Variants in APOOL observed in about 807,000 individuals in gnomAD.
The protein encoded by APOOL is apolipoprotein O like.
In APOOL, 12 loss-of-function variants were observed where a neutral mutation model predicts 23.1. The observed-to-expected ratio is 0.52, with a 90% CI of 0.33 to 0.84. APOOL has a LOEUF of 0.84. APOOL is among the 40% of genes least tolerant of loss of function. The pLI is 0.02. For missense variants in APOOL, 212 were observed against 199.6 expected, an observed-to-expected ratio of 1.06 and a Z score of -0.37; for synonymous variants, 77 against 69.9, an observed-to-expected ratio of 1.10 and a Z score of -0.51.
intron 8 of APOOL, among the ~76,000 whole-genome samples, chrX:85,077,560 A>G (rs1164032380): frequency 1.8e-5 from 2 of 111,718 alleles, no homozygotes; most frequent in South Asian, 3.8e-4. Context: ...TAGTGCCACA[A>G]TAAACATATG....
At chrX:85,065,699 T>C (rs1055812453) in intron 5 of APOOL, among the ~76,000 whole-genome samples, 4 of 111,136 alleles carry the variant, frequency 3.6e-5, no homozygotes, top group Admixed American at 1.9e-4. Flanking sequence ...GTCTTTCTAA[T>C]CTTTAAAATG....
chrX:85,005,018 C>T (rs963856180), intron 1 of APOOL, among the ~76,000 whole-genome samples: 1 of 111,302 alleles, frequency 9.0e-6, no homozygotes, highest in African/African-American at 3.3e-5. Context: ...TTTTCCCATG[C>T]TTATCTAGTT....
chrX:85,065,479 T>G (rs766996681), intron 5 of APOOL, among the ~76,000 whole-genome samples: 46 of 112,025 alleles, frequency 4.1e-4, no homozygotes, highest in Non-Finnish European at 6.6e-4. Flanking sequence ...GTGTCATTGG[T>G]CTGTGTACTT....
At chrX:85,062,049 G>A in intron 5 of APOOL, among the ~76,000 whole-genome samples, 1 of 110,926 alleles carries the variant, frequency 9.0e-6, no homozygotes, top group Middle Eastern at 4.7e-3. Context: ...ACACTGCTTT[G>A]AATGTGTCCC....
In APOOL at chrX:85,089,404, C is replaced by T. The variant is rs1681379049; in HGVS notation, c.*1726C>T. Reference sequence around the variant, plus strand: ...AGGCGTGAGCCACCGCACCCAGCCCCTACTTGAATTTTTATGTCATTATTG... The same window carrying T: ...AGGCGTGAGCCACCGCACCCAGCCCTTACTTGAATTTTTATGTCATTATTG... On this transcript the variant is annotated 3_prime_UTR_variant, in exon 9 of 9. Transcript: ENST00000373173. 1 of 112,227 alleles carries T rather than the reference C, an allele frequency of 8.9e-6. No homozygotes were observed. Among genetic ancestry groups the T allele is most frequent in the African/African-American group, 3.2e-5 (1 of 30,873 alleles). 9.2% of individuals were successfully genotyped at this position (112,227 alleles called of 1,213,427 possible). A position where few individuals can be genotyped will look rare whatever the true frequency, so the allele number is the denominator to read the frequency against.
chrX:85,075,745 C>T (rs1039617010), intron 8 of APOOL, among the ~76,000 whole-genome samples: 1 of 111,529 alleles, frequency 9.0e-6, no homozygotes, highest in Non-Finnish European at 1.9e-5. Flanking sequence ...TTTCCTCACA[C>T]ATCTAGATTC....
chrX:85,045,068 G>A, intron 1 of APOOL, among the ~76,000 whole-genome samples: 1 of 111,306 alleles, frequency 9.0e-6, no homozygotes. Flanking sequence ...CATACTTGCT[G>A]GCATCAGTTT....
intron 1 of APOOL, among the ~76,000 whole-genome samples, chrX:85,013,444 T>C (rs1921358813): frequency 8.9e-6 from 1 of 111,838 alleles, no homozygotes; most frequent in Non-Finnish European, 1.9e-5. Flanking sequence ...TTCACACTTC[T>C]TGATGTAGGC....
At chrX:85,037,431 C>T (rs757750309) in intron 1 of APOOL, among the ~76,000 whole-genome samples, 3 of 111,684 alleles carry the variant, frequency 2.7e-5, no homozygotes, top group Non-Finnish European at 5.6e-5. Flanking sequence ...CCATATGAGA[C>T]GTGCCTTTCA....
intron 1 of APOOL, among the ~76,000 whole-genome samples, chrX:85,044,439 A>C (rs938311462): frequency 2.7e-5 from 3 of 110,094 alleles, no homozygotes; most frequent in Non-Finnish European, 3.8e-5. Flanking sequence ...GCACCACCAC[A>C]CTCAGCTAAT....
chrX:85,043,597 T>G (rs932339882), intron 1 of APOOL, among the ~76,000 whole-genome samples: 15 of 111,775 alleles, frequency 1.3e-4, no homozygotes, highest in Non-Finnish European at 2.3e-4. Flanking sequence ...TTTTCAGAAA[T>G]TTTCAATGTG....
intron 1 of APOOL, among the ~76,000 whole-genome samples, chrX:85,018,578 CT>C (rs376254539): frequency 7.7e-4 from 81 of 104,743 alleles, no homozygotes; most frequent in Middle Eastern, 4.8e-3. Context: ...ATTTTTCATT[CT>C]TTTTTTTTTT....
chrX:85,015,073 C>T (rs771295094), intron 1 of APOOL, among the ~76,000 whole-genome samples: 4 of 110,707 alleles, frequency 3.6e-5, no homozygotes, highest in South Asian at 3.8e-4. Context: ...GCCTTGTCTT[C>T]GAGCTCTGAA....
intron 2 of APOOL, among the ~76,000 whole-genome samples, chrX:85,048,077 A>G (rs1475750627): frequency 9.0e-6 from 1 of 111,598 alleles, no homozygotes; most frequent in African/African-American, 3.2e-5. Context: ...GAATTTCTAT[A>G]AGCCGAAGTG....
intron 1 of APOOL, among the ~76,000 whole-genome samples, chrX:85,032,562 A>T (rs1399564718): frequency 9.0e-6 from 1 of 110,586 alleles, no homozygotes; most frequent in African/African-American, 3.3e-5. Flanking sequence ...GTGTAAATAT[A>T]CTCCCTGTGT....
chrX:85,046,586 A>G (rs779864795), intron 2 of APOOL, 36 bp downstream of exon 2: 6 of 1,050,620 alleles, frequency 5.7e-6, no homozygotes, highest in Non-Finnish European at 7.9e-6. Flanking sequence ...ACTTTGTATA[A>G]TATCAAGATG....
In APOOL at chrX:85,088,139, C is replaced by CATATATGTATAAATACATATTTATACAT. The variant is rs1924403289; in HGVS notation, c.*480_*481insTTTATACATATATATGTATAAATACATA. On this transcript the variant is annotated 3_prime_UTR_variant, in exon 9 of 9. Transcript: ENST00000373173. Reference sequence around the variant, plus strand: ...ATGTATAAATACATACATATTTATACATATATGTATAAATACATACATATT... The same window carrying CATATATGTATAAATACATATTTATACAT: ...ATGTATAAATACATACATATTTATACATATATGTATAAATACATATTTATACATATATATGTATAAATACATACATATT... 3.2e-4 allele frequency: 1 copy of CATATATGTATAAATACATATTTATACAT among 3,129 alleles called. No individual in the cohort carries two copies. Among genetic ancestry groups the CATATATGTATAAATACATATTTATACAT allele is most frequent in the Non-Finnish European group, 5.4e-4 (1 of 1,856 alleles). The allele number at this position is 3,129 out of a possible 1,213,427, so 0.3% of individuals were successfully genotyped here.
At chrX:85,044,618 T>C (rs187165782) in intron 1 of APOOL, among the ~76,000 whole-genome samples, 1 of 111,122 alleles carries the variant, frequency 9.0e-6, no homozygotes, top group Non-Finnish European at 1.9e-5. Context: ...CCATACTGCC[T>C]CCTCAATAAA....
chrX:85,063,013 T>G (rs1923295542), intron 5 of APOOL, among the ~76,000 whole-genome samples: 1 of 112,120 alleles, frequency 8.9e-6, no homozygotes, highest in African/African-American at 3.2e-5. Flanking sequence ...AGTTTTTCCA[T>G]TTGTTTGTGT....
Sources: allele counts gnomAD v4.1 joint callset (sites outside exome capture counted in the v4.1 genomes callset), GRCh38; gene constraint gnomAD v4.1.1; transcripts MANE v1.5; gene names NCBI Gene and HGNC (gene_info 2026-07-23, HGNC 2026-07-21).